The following CFAP97D2 variants were observed in gnomAD, a reference collection of about 807,000 sequenced individuals.
CFAP97D2 encodes uncharacterized protein CFAP97D2.
chr13:114,190,057 A>G (rs2080863886), intron 1 of CFAP97D2, among the ~76,000 whole-genome samples: 1 of 152,114 alleles, frequency 6.6e-6, no homozygotes, highest in Admixed American at 6.6e-5. Flanking sequence ...TGGGAGGATC[A>G]CTTGAGCTCA....
chr13:114,182,031 C>T (rs531987922), intron 1 of CFAP97D2, among the ~76,000 whole-genome samples: 23 of 152,198 alleles, frequency 1.5e-4, no homozygotes, highest in Admixed American at 2.0e-4. Flanking sequence ...CCCAGGGGAC[C>T]GGCGCTCAGC....
At position 114,185,962 on chromosome 13, in the gene CFAP97D2, G is replaced by A. The variant is rs529214258; in HGVS notation, c.90+6542G>A. ...AAGCTGGGGAGGGCCTGAAGCCTGG[G>A]GTTCCAGCTGCCTGTCCTGCAAGCC... is the stretch of plus-strand genomic sequence containing the variant. On this transcript the variant is annotated intron_variant, in intron 1 of 4. Coordinates refer to ENST00000646158, the Ensembl canonical transcript of CFAP97D2. This position sits in a 1 kb window ranked among gnomAD's most constrained non-coding sequence, Gnocchi z 5.2. 1.1e-4 allele frequency among the ~76,000 whole-genome samples: 16 copies of A among 152,238 alleles called. 1 individual carries two copies. Among genetic ancestry groups the A allele is most frequent in the Non-Finnish European group, 1.3e-4 (9 of 68,048 alleles).
At chr13:114,183,871 G>C (rs2080845917) in intron 1 of CFAP97D2, among the ~76,000 whole-genome samples, 2 of 152,224 alleles carry the variant, frequency 1.3e-5, no homozygotes, top group Admixed American at 1.3e-4. Flanking sequence ...AAGCATGCTG[G>C]ACACAGTGGC....
chr13:114,180,364 G>T (rs117000586), intron 1 of CFAP97D2, among the ~76,000 whole-genome samples: 1,766 of 152,238 alleles, frequency 0.012, 97 homozygotes, highest in Admixed American at 0.081. Context: ...TCATTGCAAG[G>T]CGCCATAGCA....
At chr13:114,218,323 T>A (rs2081005125) in intron 4 of CFAP97D2, among the ~76,000 whole-genome samples, 1 of 152,200 alleles carries the variant, frequency 6.6e-6, no homozygotes, top group Non-Finnish European at 1.5e-5. Context: ...TTACAAGGGA[T>A]GTGAAGGACC....
chr13:114,213,779 C>T (rs1159412750), intron 4 of CFAP97D2, among the ~76,000 whole-genome samples: 5 of 146,802 alleles, frequency 3.4e-5, no homozygotes, highest in African/African-American at 1.3e-4. Context: ...GGACCACAGA[C>T]CCCACCCCTG....
chr13:114,214,281 A>G (rs1425403684), intron 4 of CFAP97D2: 1 of 152,250 alleles, frequency 6.6e-6, no homozygotes, highest in Non-Finnish European at 1.5e-5. Context: ...AGTGAAGAGA[A>G]CAAGTACCTG....
At chr13:114,182,915 T>C (rs564876084) in intron 1 of CFAP97D2, among the ~76,000 whole-genome samples, 1 of 152,344 alleles carries the variant, frequency 6.6e-6, no homozygotes, top group South Asian at 2.1e-4. Context: ...AGTGACAGTC[T>C]GATCTCTCTT....
Position 114,222,228 on chromosome 13 carries a change from T to C in CFAP97D2, c.481-270T>C, listed in dbSNP as rs201401213. Among the ~76,000 whole-genome samples the C allele has an allele frequency of 1.3e-5, 2 of 152,072 alleles. No individual in the cohort carries two copies. The highest frequency in any genetic ancestry group is 3.8e-4 in the East Asian group (2 of 5,200). On this transcript the variant is annotated intron_variant, in intron 4 of 4. Transcript: ENST00000646158. This position sits in a 1 kb window ranked among gnomAD's most constrained non-coding sequence, Gnocchi z 4.4. ...AATTGGGGAGTGATCCCAAAGGAGT[T>C]TGATTTTTGGAGGGGGAGGTGATGA...
intron 2 of CFAP97D2, chr13:114,199,836 GATGAGGGGTGA>G (rs1353404112): frequency 0.019 from 1,328 of 70,446 alleles, 554 homozygotes; most frequent in South Asian, 0.033. Flanking sequence ...TACGGTCCCC[GATGAGGGGTGA>G]CGGCGCGTCC....
At position 114,186,654 on chromosome 13, in the gene CFAP97D2, C is replaced by G. The variant is rs764203780; in HGVS notation, c.90+7234C>G. Reference sequence around the variant, plus strand: ...TGGGGCCCTGCAGTTCCTGGAGCCTCCAAGCTTCTGGGCACCACTGCATTC... The same window carrying G: ...TGGGGCCCTGCAGTTCCTGGAGCCTGCAAGCTTCTGGGCACCACTGCATTC... On this transcript the variant is annotated intron_variant, in intron 1 of 4. Transcript: ENST00000646158. The surrounding 1 kb of genome is among the most constrained non-coding windows in gnomAD (Gnocchi z 4.3). 1.3e-5 allele frequency among the ~76,000 whole-genome samples: 2 copies of G among 152,232 alleles called. No homozygotes were observed. Among genetic ancestry groups the G allele is most frequent in the Non-Finnish European group, 2.9e-5 (2 of 68,030 alleles).
intron 3 of CFAP97D2, among the ~76,000 whole-genome samples, chr13:114,202,227 T>C (rs567771825): frequency 1.3e-5 from 2 of 152,356 alleles, no homozygotes; most frequent in East Asian, 3.9e-4. Flanking sequence ...GGTTTCCAGT[T>C]TTGGGCTATT....
rs1312400404 is a variant in CFAP97D2 at position 114,187,990 on chromosome 13, CA to C, written c.91-8404del. Among the ~76,000 whole-genome samples the C allele has an allele frequency of 6.6e-6, 1 of 152,032 alleles. No individual in the cohort carries two copies. The highest frequency in any genetic ancestry group is 1.5e-5 in the Non-Finnish European group (1 of 68,006). ...AAAACATGTGAATATTAAACAACAA[CA>C]ATGGGGGCTGGGTGCAGTAGCTCAC... On this transcript the variant is annotated intron_variant, in intron 1 of 4. Coordinates refer to ENST00000646158, the Ensembl canonical transcript of CFAP97D2. This position sits in a 1 kb window ranked among gnomAD's most constrained non-coding sequence, Gnocchi z 4.2.
In CFAP97D2 at chr13:114,203,833, C is replaced by T. The variant is rs558740627; in HGVS notation, c.290+3390C>T. ...AAAAGCATCTGGTGTAAACACTTGT[C>T]AGATGGGGCAGAGATTCTGGGCATT... On this transcript the variant is annotated intron_variant, in intron 3 of 4. Transcript: ENST00000646158. The surrounding 1 kb of genome is among the most constrained non-coding windows in gnomAD (Gnocchi z 4.3). 6.6e-6 allele frequency among the ~76,000 whole-genome samples: 1 copy of T among 152,302 alleles called. No homozygotes were observed. Among genetic ancestry groups the T allele is most frequent in the East Asian group, 1.9e-4 (1 of 5,178 alleles).
chr13:114,195,035 C>T (rs184813822), intron 1 of CFAP97D2, among the ~76,000 whole-genome samples: 1 of 152,310 alleles, frequency 6.6e-6, no homozygotes, highest in East Asian at 1.9e-4. Context: ...TTCATGCCTT[C>T]CTTTCCCTTC....
chr13:114,191,344 T>A (rs548339774), intron 1 of CFAP97D2, among the ~76,000 whole-genome samples: 3 of 152,280 alleles, frequency 2.0e-5, no homozygotes, highest in African/African-American at 4.8e-5. Flanking sequence ...ATCTATAGAC[T>A]GGGAGAAAAT....
chr13:114,206,183 A>C (rs1013090200), intron 3 of CFAP97D2, among the ~76,000 whole-genome samples: 1 of 149,916 alleles, frequency 6.7e-6, no homozygotes, highest in Admixed American at 6.7e-5. Flanking sequence ...GGCTCACTGC[A>C]ACCTCCACCT....
At chr13:114,180,819 C>T (rs2080829250) in intron 1 of CFAP97D2, among the ~76,000 whole-genome samples, 1 of 152,226 alleles carries the variant, frequency 6.6e-6, no homozygotes, top group African/African-American at 2.4e-5. Context: ...TAGAATACCT[C>T]CTGCATGAGG....
In CFAP97D2 at chr13:114,207,987, C is replaced by A. The variant is rs1460125513; in HGVS notation, c.291-3925C>A. Among the ~76,000 whole-genome samples, 1 of 152,254 alleles carries A rather than the reference C, an allele frequency of 6.6e-6. No homozygotes were observed. The highest frequency in any genetic ancestry group is 2.4e-5 in the African/African-American group (1 of 41,538). On this transcript the variant is annotated intron_variant, in intron 3 of 4. Coordinates refer to ENST00000646158, the Ensembl canonical transcript of CFAP97D2. This position sits in a 1 kb window ranked among gnomAD's most constrained non-coding sequence, Gnocchi z 4.9. ...GTAATCAATGCATCTCCTTGGGTCA[C>A]TCGGCAGTTTCAACATTCCATGGAG...
Sources: gnomAD v4.1 joint callset for allele counts (sites outside exome capture counted in the v4.1 genomes callset) on GRCh38, gnomAD v4.1.1 for gene constraint, Gnocchi (gnomAD v3.1) non-coding constraint, MANE v1.5 for transcripts, NCBI Gene and HGNC (gene_info 2026-07-23, HGNC 2026-07-21) for gene names.